The following TRIM31 variants were observed in gnomAD, a reference collection of about 807,000 sequenced individuals.
TRIM31 encodes E3 ubiquitin-protein ligase TRIM31.
A neutral mutation model predicts 40.6 loss-of-function variants in TRIM31; 31 were observed. The ratio of observed to expected loss-of-function variants is 0.76; its 90% CI spans 0.57 to 1.03. TRIM31 has a LOEUF of 1.03. Ranked by LOEUF, TRIM31 falls within the 50% of genes least tolerant of loss-of-function variation. The pLI, the probability that TRIM31 is intolerant of heterozygous loss-of-function variation, is 0.00. For synonymous variants in TRIM31, 164 were observed against 193.9 expected (o/e 0.85, Z 1.28); for missense variants, 455 against 497.5 (o/e 0.91, Z 0.81).
chr6:30,111,692 C>T lies in TRIM31; in HGVS notation c.469G>A (p.Val157Ile), dbSNP rs746573009. The change falls in exon 3 of 9, where the codon GTA (valine) becomes ATA (isoleucine). Residue 157 changes from valine (V) to isoleucine (I), a missense_variant. Coordinates refer to ENST00000376734, the MANE Select transcript of TRIM31 (RefSeq NM_007028.5). ...QVLQQKEKET[V>I]QVKAQGVHRV... ...TGTACACCTTGTGCCTTCACTTGTA[C>T]TGTCTCCTTCTCCTTTTGCTGCAAG... 1.9e-6 allele frequency: 3 copies of T among 1,614,120 alleles called. No homozygotes were observed. The highest frequency in any genetic ancestry group is 2.2e-5 in the South Asian group (2 of 91,088).
intron 5 of TRIM31, 143 bp downstream of exon 5, chr6:30,108,883 G>A (rs9261418): frequency 0.16 from 140,573 of 894,860 alleles, 13,898 homozygotes; most frequent in South Asian, 0.35. Context: ...GGCATTCCCC[G>A]GCTGCAGCCT....
chr6:30,108,047 C>T lies in TRIM31; in HGVS notation c.883+6G>A, dbSNP rs1485153352. The T allele has an allele frequency of 4.5e-6, 7 of 1,563,448 alleles. No homozygotes were observed. The highest frequency in any genetic ancestry group is 4.4e-6 in the Non-Finnish European group (5 of 1,135,496). ...GTGAATAGAGAAAATACAGCCTCTT[C>T]CTTACCTTTGAATTTTTTTAGGCTC... On this transcript the variant is annotated splice_donor_region_variant and intron_variant, in intron 6 of 8. Coordinates refer to ENST00000376734, the MANE Select transcript of TRIM31 (RefSeq NM_007028.5).
At chr6:30,107,986 A>G in intron 6 of TRIM31, 67 bp downstream of exon 6, 1 of 1,064,070 alleles carries the variant, frequency 9.4e-7, no homozygotes, top group Non-Finnish European at 1.4e-6. Flanking sequence ...GTTCCATTTC[A>G]GTGGAGTGAG....
At chr6:30,108,330 G>A (rs1006683139) in intron 5 of TRIM31, 162 bp from the exon 6 acceptor site, 7 of 592,066 alleles carry the variant, frequency 1.2e-5, no homozygotes, top group East Asian at 5.8e-5. Context: ...AGGCTGAGGC[G>A]GGTGGATCAC....
intron 6 of TRIM31, among the ~76,000 whole-genome samples, chr6:30,106,974 C>T (rs1768775423): frequency 6.6e-6 from 1 of 152,116 alleles, no homozygotes; most frequent in Non-Finnish European, 1.5e-5. Flanking sequence ...GTGGTGTGCG[C>T]CTGTAACACC....
At position 30,109,472 on chromosome 6, in the gene TRIM31, T is replaced by G. The variant is rs188528694; in HGVS notation, c.745-424A>C. On this transcript the variant is annotated intron_variant, in intron 4 of 8. Transcript: ENST00000376734. ...AGCTTATTTTAAGCACCAGCTAGAC[T>G]TGCACTGTCCAATATGGTAGCCACC... Among the ~76,000 whole-genome samples the G allele has an allele frequency of 1.6e-3, 239 of 152,324 alleles. 3 individuals carry two copies. The highest frequency in any genetic ancestry group is 5.7e-3 in the African/African-American group (235 of 41,566).
intron 6 of TRIM31, 125 bp from the exon 7 acceptor site, chr6:30,105,367 T>G: frequency 4.2e-6 from 3 of 711,270 alleles, no homozygotes. Context: ...TTGACTCTCA[T>G]ATTCTTATTG....
chr6:30,107,601 G>A (rs1431610798), intron 6 of TRIM31: 1 of 155,982 alleles, frequency 6.4e-6, no homozygotes, highest in African/African-American at 2.4e-5. Context: ...TCCCTGTAAG[G>A]CTGGAAGAGG....
rs1189128083 is a variant in TRIM31 at position 30,108,676 on chromosome 6, T to C, written c.767+350A>G. 16 of 436,846 alleles carry C rather than the reference T, an allele frequency of 3.7e-5. No individual in the cohort carries two copies. In the East Asian group the frequency reaches 4.9e-4, roughly 13 times the overall value. The allele number at this position is 436,846 out of a possible 1,614,324, so 27.1% of individuals were successfully genotyped here. A position where few individuals can be genotyped will look rare whatever the true frequency, so the allele number is the denominator to read the frequency against. ...GAGTGAGGTAGGGCATAGGGAGATA[T>C]GGAAATGAAGATGGGAGATGGAGAC... On this transcript the variant is annotated intron_variant, in intron 5 of 8. Coordinates refer to ENST00000376734, the MANE Select transcript of TRIM31 (RefSeq NM_007028.5).
At position 30,112,453 on chromosome 6, in the gene TRIM31, C is replaced by T. The variant is rs779084186; in HGVS notation, c.353G>A (p.Arg118His). Reference sequence around the variant, plus strand: ...ATGGGATTTGTGGTCCTTGGATTCACGACACACAAAACAGAGGAACTTCCC... The same window carrying T: ...ATGGGATTTGTGGTCCTTGGATTCATGACACACAAAACAGAGGAACTTCCC... ...DDGKFLCFVC[R>H]ESKDHKSHNV... Residue 118 changes from arginine to histidine, a missense_variant, in exon 2 of 9, where the codon CGT becomes CAT. Arg to His is a conservative substitution (Grantham distance 29, BLOSUM62 0). Transcript: ENST00000376734. 2.5e-5 allele frequency: 40 copies of T among 1,612,966 alleles called. No homozygotes were observed. Among genetic ancestry groups the T allele is most frequent in the East Asian group, 6.7e-5 (3 of 44,898 alleles).
chr6:30,106,440 C>G (rs1437881227), intron 6 of TRIM31, among the ~76,000 whole-genome samples: 2 of 152,028 alleles, frequency 1.3e-5, no homozygotes, highest in Non-Finnish European at 2.9e-5. Context: ...ACCCAGTCAC[C>G]CCGAGCAGGG....
chr6:30,110,767 G>T (rs1769225309), intron 3 of TRIM31, 89 bp from the exon 4 acceptor site: 2 of 1,284,950 alleles, frequency 1.6e-6, no homozygotes, highest in Non-Finnish European at 2.2e-6. Flanking sequence ...TATTAAGTTT[G>T]TGTGGAATTC....
At position 30,103,600 on chromosome 6, in the gene TRIM31, TGGAGCTCCTC is replaced by T. The variant is rs1562030977; in HGVS notation, c.1204_1213del (p.Glu402MetfsTer4). On this transcript the variant is annotated frameshift_variant, in exon 9 of 9. Coordinates refer to ENST00000376734, the MANE Select transcript of TRIM31 (RefSeq NM_007028.5). LOFTEE classifies it low-confidence loss of function (END_TRUNC). ...TGTCAGCCACTCACTCAGTGCCGCATGGAGCTCCTCGGACAGCGCAACGTCAAATGTCTTC... is the reference window on the plus strand; with the variant it reads ...TGTCAGCCACTCACTCAGTGCCGCATGGACAGCGCAACGTCAAATGTCTTC... The T allele has an allele frequency of 6.2e-7, 1 of 1,613,100 alleles. No individual in the cohort carries two copies. Among genetic ancestry groups the T allele is most frequent in the East Asian group, 2.2e-5 (1 of 44,878 alleles).
In TRIM31 at chr6:30,108,043, T is replaced by C; in HGVS notation, c.883+10A>G. Reference sequence around the variant, plus strand: ...GTAGGTGAATAGAGAAAATACAGCCTCTTCCTTACCTTTGAATTTTTTTAG... The same window carrying C: ...GTAGGTGAATAGAGAAAATACAGCCCCTTCCTTACCTTTGAATTTTTTTAG... On this transcript the variant is annotated intron_variant, in intron 6 of 8. Coordinates refer to ENST00000376734, the MANE Select transcript of TRIM31 (RefSeq NM_007028.5). 1.3e-6 allele frequency: 2 copies of C among 1,548,124 alleles called. No individual in the cohort carries two copies. Among genetic ancestry groups the C allele is most frequent in the Non-Finnish European group, 1.8e-6 (2 of 1,121,748 alleles).
In TRIM31 at chr6:30,112,908, T is replaced by A; in HGVS notation, c.-83-20A>T. The A allele has an allele frequency of 8.5e-7, 1 of 1,172,854 alleles. No individual in the cohort carries two copies. The highest frequency in any genetic ancestry group is 1.2e-6 in the Non-Finnish European group (1 of 861,656). 72.7% of individuals were successfully genotyped at this position (1,172,854 alleles called of 1,614,324 possible). A position where few individuals can be genotyped will look rare whatever the true frequency, so the allele number is the denominator to read the frequency against. On this transcript the variant is annotated intron_variant, in intron 1 of 8. Transcript: ENST00000376734. ...CTGTTTCTAGGAAGGGAGAAGGGAGTCAGAGAAAGTGGAGGTCAGAGATTC... is the reference window on the plus strand; with the variant it reads ...CTGTTTCTAGGAAGGGAGAAGGGAGACAGAGAAAGTGGAGGTCAGAGATTC...
intron 2 of TRIM31, chr6:30,112,097 A>G (rs1231942929): frequency 1.8e-6 from 1 of 556,392 alleles, no homozygotes; most frequent in Non-Finnish European, 3.1e-6. Flanking sequence ...TCAGAGAGGT[A>G]AAGTGATTCC....
rs1229323538 is a variant in TRIM31, at chr6:30,112,708, T to C, written c.98A>G (p.His33Arg). The change falls in exon 2 of 9, where the codon CAC (histidine) becomes CGC (arginine). Residue 33 changes from histidine to arginine, a missense_variant. Coordinates refer to ENST00000376734, the MANE Select transcript of TRIM31 (RefSeq NM_007028.5). ...AGTGATGCATTTGAGGCAGAAATTGTGCCCACAGTCGATGGTGACAGGTTT... is the reference window on the plus strand; with the variant it reads ...AGTGATGCATTTGAGGCAGAAATTGCGCCCACAGTCGATGGTGACAGGTTT... ...LQKPVTIDCG[H>R]NFCLKCITQI... 2 of 1,613,124 alleles carry C rather than the reference T, an allele frequency of 1.2e-6. No individual in the cohort carries two copies. Among genetic ancestry groups the C allele is most frequent in the East Asian group, 4.5e-5 (2 of 44,886 alleles).
intron 6 of TRIM31, among the ~76,000 whole-genome samples, chr6:30,106,273 C>G (rs907157724): frequency 5.9e-5 from 9 of 152,192 alleles, no homozygotes; most frequent in African/African-American, 2.2e-4. Flanking sequence ...GAGCCACCAG[C>G]CCAGTCATGG....
chr6:30,104,068 G>C, intron 8 of TRIM31, 34 bp downstream of exon 8: 2 of 1,607,042 alleles, frequency 1.2e-6, no homozygotes, highest in African/African-American at 2.7e-5. Context: ...TGTAGACTTA[G>C]AGGTCCCTTA....
Sources: gnomAD v4.1 joint callset for allele counts (sites outside exome capture counted in the v4.1 genomes callset) on GRCh38, gnomAD v4.1.1 for gene constraint, MANE v1.5 for transcripts, NCBI Gene and HGNC (gene_info 2026-07-23, HGNC 2026-07-21) for gene names.